The following LRIT1 variants were observed in gnomAD, a reference collection of about 807,000 sequenced individuals.
LRIT1 encodes leucine-rich repeat, immunoglobulin-like domain and transmembrane domain-containing protein 1.
In LRIT1, 23 loss-of-function variants were observed where a neutral mutation model predicts 24.0. That is an observed-to-expected ratio of 0.96 (90% CI 0.69 to 1.36). The LOEUF (loss-of-function observed/expected upper bound fraction) is 1.36. Among genes scored for constraint, LRIT1 ranks in the 40% most tolerant of loss-of-function variants. The probability of loss-of-function intolerance (pLI) is 0.00; values close to 1 mark genes in which losing one functional copy is unlikely to be tolerated. For missense variants in LRIT1, 846 were observed against 806.3 expected (o/e 1.05, Z -0.60); for synonymous variants, 361 against 340.5 (o/e 1.06, Z -0.66).
chr10:84,233,347 T>TA (rs533588139), intron 3 of LRIT1, among the ~76,000 whole-genome samples: 284 of 92,346 alleles, frequency 3.1e-3, no homozygotes, highest in Non-Finnish European at 5.9e-3. Flanking sequence ...TATATATATA[T>TA]TTTTTTTTGC....
rs367611823 is a variant in LRIT1 at position 84,233,554 on chromosome 10, G to A, written c.895+519C>T. On this transcript the variant is annotated intron_variant, in intron 3 of 3. Coordinates refer to ENST00000372105, the MANE Select transcript of LRIT1 (RefSeq NM_015613.3). The stretch of plus-strand genomic sequence containing the variant: ...CTCCTCCATGTATGAGCTGTGTAAT[G>A]TAGCATTTAGCCTCTCAGAGCCTCA... Among the ~76,000 whole-genome samples, 18 of 152,270 alleles carry A rather than the reference G, an allele frequency of 1.2e-4. No individual in the cohort carries two copies. The South Asian group carries it at 1.9e-3, about 16-fold the overall frequency.
chr10:84,231,862 C>T lies in LRIT1; in HGVS notation c.*65G>A. ...GCAGGTAAGAGTGGGTGATCGTGTA[C>T]TCAGGTGTCAGAGCTAAAGAAGGAG... is the stretch of plus-strand genomic sequence containing the variant. On this transcript the variant is annotated 3_prime_UTR_variant, in exon 4 of 4. Transcript: ENST00000372105. 7.8e-6 allele frequency: 12 copies of T among 1,533,880 alleles called. No homozygotes were observed. The highest frequency in any genetic ancestry group is 1.3e-5 in the South Asian group (1 of 79,994).
chr10:84,239,193 A>G (rs1486611073), intron 1 of LRIT1, among the ~76,000 whole-genome samples: 1 of 152,258 alleles, frequency 6.6e-6, no homozygotes, highest in African/African-American at 2.4e-5. Context: ...TGAGCAATTC[A>G]GAAGAGAATC....
intron 2 of LRIT1, among the ~76,000 whole-genome samples, chr10:84,236,855 G>A (rs1055232356): frequency 1.3e-5 from 2 of 152,216 alleles, no homozygotes; most frequent in African/African-American, 2.4e-5. Context: ...GGACCAGGCA[G>A]GTGCCTTGGG....
In LRIT1 at chr10:84,237,609, T is replaced by C. The variant is rs1432303841; in HGVS notation, c.200A>G (p.Glu67Gly). ...AGGAACCCTGCGTATGGCCGTCCGC[T>C]CCAGGCGCAGTCTGGAGGTGTCCGG... ...IPPDTSRLRL[E>G]RTAIRRVPGE... is the part of the protein sequence containing the mutation. The change falls in exon 2 of 4, where the codon GAG (glutamate) becomes GGG (glycine). Residue 67 changes from glutamate (E) to glycine (G), a missense_variant. By Grantham distance (98) the Glu-to-Gly change is moderately conservative. Transcript: ENST00000372105. The C allele has an allele frequency of 3.7e-6, 6 of 1,606,728 alleles. No individual in the cohort carries two copies. The highest frequency in any genetic ancestry group is 2.7e-5 in the African/African-American group (2 of 74,908).
chr10:84,233,035 A>G (rs1842617166), intron 3 of LRIT1, 132 bp from the exon 4 acceptor site: 10 of 992,032 alleles, frequency 1.0e-5, no homozygotes, highest in African/African-American at 1.6e-5. Context: ...GCAGTCACTC[A>G]GTGTTTCTTA....
chr10:84,241,130 C>T (rs1027378608), intron 1 of LRIT1, among the ~76,000 whole-genome samples, 188 bp downstream of exon 1: 54 of 152,166 alleles, frequency 3.5e-4, no homozygotes, highest in African/African-American at 1.1e-3. Context: ...TGGTACCTCT[C>T]GAATAGAGTC....
At position 84,232,856 on chromosome 10, in the gene LRIT1, G is replaced by C; in HGVS notation, c.943C>G (p.Leu315Val). 6.2e-7 allele frequency: 1 copy of C among 1,613,118 alleles called. No homozygotes were observed. The highest frequency in any genetic ancestry group is 8.5e-7 in the Non-Finnish European group (1 of 1,179,988). Residue 315 changes from leucine (L) to valine (V), a missense_variant, in exon 4 of 4, where the codon CTG becomes GTG. Physicochemically the swap from Leu to Val is conservative, Grantham distance 32 (BLOSUM62 1). Transcript: ENST00000372105. ...GAGTCAAGGTGGGACACTGCAGGCA[G>C]GCCCAGCAGAGTCCAGCTCGTGCCG... ...SDGTSWTLLG[L>V]PAVSHLDSGD...
Position 84,234,101 on chromosome 10 carries a change from C to A in LRIT1, c.867G>T (p.Arg289Ser). The A allele has an allele frequency of 6.4e-7, 1 of 1,571,974 alleles. No individual in the cohort carries two copies. The highest frequency in any genetic ancestry group is 1.2e-5 in the South Asian group (1 of 84,176). The change falls in exon 3 of 4, where the codon AGG becomes AGT. Residue 289 changes from arginine to serine, a missense_variant. By Grantham distance (110) the Arg-to-Ser change is moderately radical (BLOSUM62 -1). Transcript: ENST00000372105. Reference protein sequence around the residue: ...GVPGPEMSWRRANGRPLNGTV... With the variant: ...GVPGPEMSWRSANGRPLNGTV... ...TACCATTAAGGGGCCTGCCATTGGC[C>A]CTCCTCCAGCTCATCTCGGGCCCAG...
chr10:84,239,958 T>A (rs1268899578), intron 1 of LRIT1, among the ~76,000 whole-genome samples: 1 of 152,108 alleles, frequency 6.6e-6, no homozygotes, highest in Non-Finnish European at 1.5e-5. Flanking sequence ...GTCAGGCGGG[T>A]AGAACCAAGA....
At position 84,235,697 on chromosome 10, in the gene LRIT1, G is replaced by A. The variant is rs113527684; in HGVS notation, c.590-1319C>T. Among the ~76,000 whole-genome samples, 42 of 152,054 alleles carry A rather than the reference G, an allele frequency of 2.8e-4. No individual in the cohort carries two copies. The South Asian group carries it at 6.2e-3, about 23-fold the overall frequency. ...GCAACCTTGGCTCACTGCAACCTCC[G>A]CCTTCTGGGTTCAAGTGATTCTCCT... On this transcript the variant is annotated intron_variant, in intron 2 of 3. Transcript: ENST00000372105.
In LRIT1 at chr10:84,234,177, C is replaced by A; in HGVS notation, c.791G>T (p.Arg264Met). 6.2e-7 allele frequency: 1 copy of A among 1,614,040 alleles called. No individual in the cohort carries two copies. The highest frequency in any genetic ancestry group is 8.5e-7 in the Non-Finnish European group (1 of 1,179,998). Reference sequence around the variant, plus strand: ...CAGTGCTGTGCCACCCAAAAGGGACCTGATGCTGGCCACTCCTGGATGGAG... The same window carrying A: ...CAGTGCTGTGCCACCCAAAAGGGACATGATGCTGGCCACTCCTGGATGGAG... ...PELHPGVASI[R>M]SLLGGTALLR... The change falls in exon 3 of 4, where the codon AGG (arginine) becomes ATG (methionine). Residue 264 changes from arginine (R) to methionine (M), a missense_variant. By Grantham distance (91) the Arg-to-Met change is moderately conservative (BLOSUM62 -1). Transcript: ENST00000372105.
intron 1 of LRIT1, among the ~76,000 whole-genome samples, chr10:84,238,417 T>C: frequency 6.6e-6 from 1 of 151,980 alleles, no homozygotes; most frequent in East Asian, 1.9e-4. Flanking sequence ...TTTTGGTTTA[T>C]CGTTTAACAA....
chr10:84,239,252 A>C (rs1842674869), intron 1 of LRIT1, among the ~76,000 whole-genome samples: 1 of 152,242 alleles, frequency 6.6e-6, no homozygotes, highest in African/African-American at 2.4e-5. Flanking sequence ...GCTCAGGAAG[A>C]AAGAGCATTT....
In LRIT1 at chr10:84,237,337, T is replaced by C. The variant is rs1489291401; in HGVS notation, c.472A>G (p.Thr158Ala). The C allele has an allele frequency of 6.4e-7, 1 of 1,550,622 alleles. No individual in the cohort carries two copies. Among genetic ancestry groups the C allele is most frequent in the East Asian group, 2.4e-5 (1 of 40,880 alleles). The stretch of plus-strand genomic sequence containing the variant: ...TGGTTGCTGGAGAGGTCGAGGAAGG[T>C]GAGGTTCTCCAGGAAGCGCGCGGCC... ...AEAARFLENL[T>A]FLDLSSNQLM... The change falls in exon 2 of 4, where the codon ACC becomes GCC. Residue 158 changes from threonine (T) to alanine (A), a missense_variant. Transcript: ENST00000372105.
intron 1 of LRIT1, among the ~76,000 whole-genome samples, chr10:84,240,468 ATCAGAAACCATCAGTGGC>A (rs1842683255): frequency 6.6e-6 from 1 of 152,238 alleles, no homozygotes; most frequent in Non-Finnish European, 1.5e-5. Flanking sequence ...TGTTCCCAGG[ATCAGAAACCATCAGTGGC>A]TCAGAAACCA....
chr10:84,241,371 G>A lies in LRIT1; in HGVS notation c.69C>T (p.Cys23=), dbSNP rs756315978. The change falls in exon 1 of 4, where the codon TGC becomes TGT. Residue 23 remains cysteine, a synonymous_variant. Transcript: ENST00000372105. ...GGAGGCTGCAGCTGCATTGAGAGGG[G>A]CAGAAGCCCCGGGCCTGGGGGGGCC... The part of the protein sequence containing the change: ...LAWPPQARGF[C]PSQCSCSLHI... 1.9e-6 allele frequency: 3 copies of A among 1,612,870 alleles called. No individual in the cohort carries two copies. In the African/African-American group the frequency reaches 4.0e-5, roughly 22 times the overall value.
intron 3 of LRIT1, 102 bp downstream of exon 3, chr10:84,233,971 G>T: frequency 8.6e-7 from 1 of 1,160,570 alleles, no homozygotes; most frequent in Non-Finnish European, 1.2e-6. Flanking sequence ...GCCCAGCTTT[G>T]CTTAGACAAC....
At position 84,231,768 on chromosome 10, in the gene LRIT1, A is replaced by C. The variant is rs1842597940; in HGVS notation, c.*159T>G. On this transcript the variant is annotated 3_prime_UTR_variant, in exon 4 of 4. Coordinates refer to ENST00000372105, the MANE Select transcript of LRIT1 (RefSeq NM_015613.3). ...CTGTAGTAAGTGCTTAACAAGTGTTAGCGGTTGTTGCAGTAGCAGCTGCTG... is the reference window on the plus strand; with the variant it reads ...CTGTAGTAAGTGCTTAACAAGTGTTCGCGGTTGTTGCAGTAGCAGCTGCTG... The C allele has an allele frequency of 1.4e-6, 1 of 706,928 alleles. No individual in the cohort carries two copies. The highest frequency in any genetic ancestry group is 1.8e-5 in the African/African-American group (1 of 55,780). 43.8% of individuals were successfully genotyped at this position (706,928 alleles called of 1,614,324 possible). A position where few individuals can be genotyped will look rare whatever the true frequency, so the allele number is the denominator to read the frequency against.
Sources: allele counts gnomAD v4.1 joint callset (sites outside exome capture counted in the v4.1 genomes callset), GRCh38; gene constraint gnomAD v4.1.1; transcripts MANE v1.5; gene names NCBI Gene and HGNC (gene_info 2026-07-23, HGNC 2026-07-21).